DSCAM: variants seen among roughly 807,000 people sequenced by gnomAD.
The protein encoded by DSCAM is DS cell adhesion molecule.
DSCAM carries 47 observed loss-of-function variants against 217.7 expected under a neutral mutation model. The observed-to-expected ratio is 0.22, with a 90% CI of 0.17 to 0.28. The LOEUF is 0.28. DSCAM is among the 10% of genes least tolerant of loss of function. The pLI is 1.00. For missense variants in DSCAM, 2,080 were observed against 2,618.3 expected, an observed-to-expected ratio of 0.79 and a Z score of 4.49; for synonymous variants, 1,056 against 1,015.3, an observed-to-expected ratio of 1.04 and a Z score of -0.76.
Position 40,846,685 on chromosome 21 carries a change from C to T in DSCAM, c.-24G>A, listed in dbSNP as rs41367547. ...ATGCCCCTGCCGCTCCCCGGCCTCC[C>T]GCGAGCGACGCGCCGGCCTCGCCCC... On this transcript the variant is annotated 5_prime_UTR_variant, in exon 1 of 33. Transcript: ENST00000400454. The T allele has an allele frequency of 8.4e-5, 97 of 1,151,892 alleles. 1 individual carries two copies. In the East Asian group the frequency reaches 2.7e-3, roughly 32 times the overall value. The allele number at this position is 1,151,892 out of a possible 1,614,324, so 71.4% of individuals were successfully genotyped here.
chr21:40,724,060 C>T (rs560533123), intron 1 of DSCAM, among the ~76,000 whole-genome samples: 28 of 152,298 alleles, frequency 1.8e-4, no homozygotes, highest in Non-Finnish European at 2.9e-4. Context: ...GTCTCTCCAT[C>T]CCTTTGGATG....
intron 11 of DSCAM, among the ~76,000 whole-genome samples, chr21:40,272,331 A>ATTTTTTTTGTT (rs2073629583): frequency 6.6e-6 from 1 of 152,080 alleles, no homozygotes; most frequent in Non-Finnish European, 1.5e-5. Flanking sequence ...GACAGTGTAG[A>ATTTTTTTTGTT]CTCACAGACA....
At chr21:40,315,487 T>C (rs1041385284) in intron 8 of DSCAM, among the ~76,000 whole-genome samples, 10 of 151,924 alleles carry the variant, frequency 6.6e-5, no homozygotes, top group African/African-American at 1.7e-4. Context: ...AAGAGAGTTA[T>C]AGAATACAGG....
At chr21:40,624,117 T>G (rs2089565036) in intron 3 of DSCAM, among the ~76,000 whole-genome samples, 2 of 152,232 alleles carry the variant, frequency 1.3e-5, no homozygotes, top group African/African-American at 4.8e-5. Context: ...AGGGACATTC[T>G]TGCCTCTCAC....
chr21:40,824,275 A>C (rs918612109), intron 1 of DSCAM, among the ~76,000 whole-genome samples: 4 of 152,154 alleles, frequency 2.6e-5, no homozygotes, highest in African/African-American at 9.7e-5. Flanking sequence ...TATGTGCGGC[A>C]ACCAAAATAC....
At chr21:40,251,135 A>T (rs2222978) in intron 11 of DSCAM, among the ~76,000 whole-genome samples, 4 of 152,150 alleles carry the variant, frequency 2.6e-5, no homozygotes, top group East Asian at 1.9e-4. Context: ...GGAGGCTGTA[A>T]GGGACCAGAG....
At chr21:40,578,649 C>T (rs927525955) in intron 3 of DSCAM, among the ~76,000 whole-genome samples, 1 of 152,210 alleles carries the variant, frequency 6.6e-6, no homozygotes, top group East Asian at 1.9e-4. Context: ...CACAATAAAT[C>T]TTGCTGCCAC....
At chr21:40,620,658 T>G (rs1267817395) in intron 3 of DSCAM, among the ~76,000 whole-genome samples, 1 of 152,236 alleles carries the variant, frequency 6.6e-6, no homozygotes, top group Non-Finnish European at 1.5e-5. Flanking sequence ...CAACTGGAAC[T>G]CTCATATACT....
At chr21:40,212,114 C>T (rs545298355) in intron 11 of DSCAM, among the ~76,000 whole-genome samples, 58 of 152,076 alleles carry the variant, frequency 3.8e-4, no homozygotes, top group African/African-American at 1.3e-3. Flanking sequence ...GGATTATAGG[C>T]GTGCACCACC....
Position 40,142,671 on chromosome 21 carries a change from A to G in DSCAM, c.3293T>C (p.Ile1098Thr), listed in dbSNP as rs773718436. The change falls in exon 18 of 33, where the codon ATA becomes ACA. Residue 1098 changes from isoleucine to threonine, a missense_variant. Transcript: ENST00000400454. ...TGATATGCTTTCTGGTGATGTTGCT[A>G]TGGCTTGGACATTTTCGGGGGGGTA... ...PSYPPENVQAIATSPESISIS... is the reference protein window; with the variant it reads ...PSYPPENVQATATSPESISIS... 6.2e-6 allele frequency: 10 copies of G among 1,614,160 alleles called. No individual in the cohort carries two copies. The South Asian group carries it at 9.9e-5, about 16-fold the overall frequency.
At chr21:40,723,822 G>A (rs718043) in intron 1 of DSCAM, among the ~76,000 whole-genome samples, 1 of 152,084 alleles carries the variant, frequency 6.6e-6, no homozygotes, top group Non-Finnish European at 1.5e-5. Flanking sequence ...AACACACTTC[G>A]AAGATTTTAG....
At chr21:40,599,678 T>G (rs2077048126) in intron 3 of DSCAM, among the ~76,000 whole-genome samples, 3 of 152,114 alleles carry the variant, frequency 2.0e-5, no homozygotes, top group Admixed American at 6.5e-5. Flanking sequence ...AGGAGCTGGT[T>G]TTTTGAAAAT....
chr21:40,749,894 T>C (rs914185464), intron 1 of DSCAM, among the ~76,000 whole-genome samples: 2 of 152,022 alleles, frequency 1.3e-5, no homozygotes, highest in African/African-American at 4.8e-5. Flanking sequence ...TTCTCCCACG[T>C]AGCCTCTCCC....
intron 3 of DSCAM, among the ~76,000 whole-genome samples, chr21:40,487,398 T>A (rs1055079151): frequency 6.6e-6 from 1 of 151,692 alleles, no homozygotes; most frequent in Non-Finnish European, 1.5e-5. Flanking sequence ...TCCAGGTAGC[T>A]ATAAAACATT....
intron 1 of DSCAM, among the ~76,000 whole-genome samples, chr21:40,724,607 C>G (rs1488377579): frequency 6.6e-6 from 1 of 152,142 alleles, no homozygotes; most frequent in Middle Eastern, 3.4e-3. Flanking sequence ...GGGAGGAGGA[C>G]GTTAACCAAA....
chr21:40,634,030 A>C (rs1239549822), intron 3 of DSCAM, among the ~76,000 whole-genome samples: 1 of 152,198 alleles, frequency 6.6e-6, no homozygotes, highest in Non-Finnish European at 1.5e-5. Context: ...AATAGAAAGA[A>C]AGAGAAAGCC....
intron 1 of DSCAM, among the ~76,000 whole-genome samples, chr21:40,843,263 C>G (rs1170695469): frequency 6.6e-6 from 1 of 152,034 alleles, no homozygotes; most frequent in Non-Finnish European, 1.5e-5. Flanking sequence ...TTACTCCCAG[C>G]ACCCCACCGT....
intron 1 of DSCAM, among the ~76,000 whole-genome samples, chr21:40,748,010 AAATTC>A (rs2059220204): frequency 6.6e-6 from 1 of 152,036 alleles, no homozygotes; most frequent in South Asian, 2.1e-4. Flanking sequence ...AAATTTGATA[AAATTC>A]AATTCCTTCA....
chr21:40,575,583 G>A (rs967243586), intron 3 of DSCAM, among the ~76,000 whole-genome samples: 1 of 152,154 alleles, frequency 6.6e-6, no homozygotes, highest in Non-Finnish European at 1.5e-5. Context: ...CAGATAAATA[G>A]ATGGAGGGAA....
Sources: allele counts gnomAD v4.1 joint callset (sites outside exome capture counted in the v4.1 genomes callset), GRCh38; gene constraint gnomAD v4.1.1; transcripts MANE v1.5; gene names NCBI Gene and HGNC (gene_info 2026-07-23, HGNC 2026-07-21).